Variants in GPHN observed in about 807,000 individuals in gnomAD.
The protein encoded by GPHN is gephyrin.
A neutral mutation model predicts 95.5 loss-of-function variants in GPHN; 17 were observed. The observed-to-expected ratio is 0.18, with a 90% CI of 0.12 to 0.27. The LOEUF is 0.27. Ranked by LOEUF, GPHN falls within the 10% of genes least tolerant of loss-of-function variation. The pLI is 1.00. For synonymous variants in GPHN, 320 were observed against 322.5 expected (o/e 0.99, Z 0.08); for missense variants, 660 against 978.1 (o/e 0.67, Z 4.34).
chr14:67,552,118 C>T, the GPHN span, among the ~76,000 whole-genome samples: 1 of 152,180 alleles, frequency 6.6e-6, no homozygotes, highest in African/African-American at 2.4e-5. Context: ...GTTGCTGCAG[C>T]CAGTTCTAGG....
the GPHN span, among the ~76,000 whole-genome samples, chr14:67,595,980 G>A: frequency 1.3e-5 from 2 of 152,188 alleles, no homozygotes; most frequent in African/African-American, 4.8e-5. Flanking sequence ...TAAGTGATGT[G>A]TTAAGGGCTC....
the GPHN span, among the ~76,000 whole-genome samples, chr14:67,732,639 T>G: frequency 6.6e-6 from 1 of 152,000 alleles, no homozygotes; most frequent in Non-Finnish European, 1.5e-5. Context: ...TTCAGTGGCG[T>G]GATCTCCACT....
At chr14:66,962,923 A>C (rs908274478) in intron 8 of GPHN, among the ~76,000 whole-genome samples, 2 of 151,968 alleles carry the variant, frequency 1.3e-5, no homozygotes, top group Non-Finnish European at 2.9e-5. Context: ...TTAAGCCAGC[A>C]TAATAGGTAT....
At chr14:67,030,040 T>A (rs939530163) in intron 10 of GPHN, among the ~76,000 whole-genome samples, 6 of 151,742 alleles carry the variant, frequency 4.0e-5, no homozygotes, top group African/African-American at 1.4e-4. Flanking sequence ...TATTCAGACT[T>A]CTCTCATAGA....
At chr14:67,710,076 T>C in the GPHN span, among the ~76,000 whole-genome samples, 2 of 152,188 alleles carry the variant, frequency 1.3e-5, no homozygotes, top group African/African-American at 2.4e-5. Context: ...GCCTTTGTTT[T>C]AAGTTGTTCC....
At chr14:67,068,294 G>T (rs1309140376) in intron 11 of GPHN, among the ~76,000 whole-genome samples, 1 of 152,170 alleles carries the variant, frequency 6.6e-6, no homozygotes, top group African/African-American at 2.4e-5. Flanking sequence ...GACTACCGAT[G>T]AATTTTCTAT....
rs2070192220 is a variant in GPHN at position 66,716,454 on chromosome 14, CT to C, written c.143+35272del. ...GTGAATTCTTATCCATTCTGCAGTT[CT>C]TTCTGTCTTTCAGATGGAGCATTTA... On this transcript the variant is annotated intron_variant, in intron 2 of 22. Transcript: ENST00000478722. Among the ~76,000 whole-genome samples the C allele has an allele frequency of 1.3e-4, 10 of 75,936 alleles. No individual in the cohort carries two copies. The African/African-American group carries it at 2.1e-3, about 16-fold the overall frequency. The allele number at this position is 75,936 out of a possible 152,430, so 49.8% of individuals were successfully genotyped here.
At chr14:67,522,380 G>A in the GPHN span, among the ~76,000 whole-genome samples, 62,240 of 151,920 alleles carry the variant, frequency 0.41, 13,673 homozygotes, top group Non-Finnish European at 0.49. Context: ...TCTCCTCTGT[G>A]CTTCCCTTTG....
the GPHN span, chr14:67,585,889 T>C: frequency 1.3e-6 from 2 of 1,539,182 alleles, no homozygotes; most frequent in Admixed American, 1.9e-5. Flanking sequence ...CAGGGGATGC[T>C]GGTTCCTAGC....
At chr14:67,251,033 T>C in the GPHN span, among the ~76,000 whole-genome samples, 10 of 152,212 alleles carry the variant, frequency 6.6e-5, no homozygotes, top group African/African-American at 2.2e-4. Context: ...AATGAGGAAA[T>C]TGAGGCTCAG....
chr14:66,976,509 A>G (rs74056540), intron 9 of GPHN, among the ~76,000 whole-genome samples: 10,336 of 152,170 alleles, frequency 0.068, 856 homozygotes, highest in African/African-American at 0.19. Flanking sequence ...ATAGTAAACT[A>G]TCCTCTGGAT....
chr14:67,616,234 A>G, the GPHN span: 2 of 197,854 alleles, frequency 1.0e-5, no homozygotes, highest in African/African-American at 5.2e-5. Flanking sequence ...TTTTTTGTAC[A>G]GTTAACACAC....
rs556918915 is a variant in GPHN, at chr14:66,882,931, A to G, written c.389+2898A>G. On this transcript the variant is annotated intron_variant, in intron 5 of 22. Transcript: ENST00000478722. ...GGTTCCTGAAAAGAAATGAGCAATCAATTCAAATTGCTGTTTCCTTATGTG... is the reference window on the plus strand; with the variant it reads ...GGTTCCTGAAAAGAAATGAGCAATCGATTCAAATTGCTGTTTCCTTATGTG... Among the ~76,000 whole-genome samples the G allele has an allele frequency of 5.9e-5, 9 of 151,554 alleles. No homozygotes were observed. In the South Asian group the frequency reaches 1.2e-3, roughly 21 times the overall value.
the GPHN span, chr14:67,729,677 T>C: frequency 1.7e-6 from 1 of 581,096 alleles, no homozygotes; most frequent in Admixed American, 2.3e-5. Flanking sequence ...GCCATGGAGA[T>C]CTGGATCGTT....
intron 8 of GPHN, among the ~76,000 whole-genome samples, chr14:66,940,179 G>A (rs2067338555): frequency 6.6e-6 from 1 of 151,298 alleles, no homozygotes; most frequent in African/African-American, 2.4e-5. Flanking sequence ...GTGTCCCATA[G>A]TATGGAGACA....
chr14:66,589,713 C>G (rs1049154755), intron 1 of GPHN, among the ~76,000 whole-genome samples: 10 of 152,200 alleles, frequency 6.6e-5, no homozygotes, highest in African/African-American at 2.4e-4. Flanking sequence ...GAGACTTAGA[C>G]TCCCACACAA....
chr14:67,576,531 G>T, the GPHN span: 1 of 1,094,796 alleles, frequency 9.1e-7, no homozygotes, highest in South Asian at 1.3e-5. The surrounding 1 kb of genome is among the most constrained non-coding windows in gnomAD (Gnocchi z 4.0). Flanking sequence ...ACCACTGCTT[G>T]GGTTGGAGGG....
chr14:66,809,269 G>A (rs1277762159), intron 3 of GPHN, among the ~76,000 whole-genome samples: 7 of 152,108 alleles, frequency 4.6e-5, no homozygotes, highest in Non-Finnish European at 7.4e-5. Context: ...GGAAAGTACT[G>A]GGGGTATATC....
chr14:67,034,304 C>A (rs138727970), intron 10 of GPHN, among the ~76,000 whole-genome samples: 1 of 151,684 alleles, frequency 6.6e-6, no homozygotes, highest in East Asian at 1.9e-4. Flanking sequence ...ATGGTAATTA[C>A]AAAGAAAATG....
Sources: gnomAD v4.1 joint callset for allele counts (sites outside exome capture counted in the v4.1 genomes callset) on GRCh38, gnomAD v4.1.1 for gene constraint, Gnocchi (gnomAD v3.1) non-coding constraint, MANE v1.5 for transcripts, NCBI Gene and HGNC (gene_info 2026-07-23, HGNC 2026-07-21) for gene names.